Variants in DPF2 observed in about 807,000 individuals in gnomAD.
DPF2 encodes zinc finger protein ubi-d4.
Under a neutral mutation model 59.6 loss-of-function variants are expected in DPF2, and 10 were observed. The observed-to-expected ratio is 0.17, with a 90% CI of 0.10 to 0.28. The LOEUF (loss-of-function observed/expected upper bound fraction) is 0.28. DPF2 is among the 10% of genes least tolerant of loss of function. DPF2 has a pLI of 1.00. For missense variants in DPF2, 315 were observed against 509.4 expected, an observed-to-expected ratio of 0.62 and a Z score of 3.67; for synonymous variants, 189 against 190.6, an observed-to-expected ratio of 0.99 and a Z score of 0.07.
At chr11:65,341,673 G>A (rs955412930) in intron 4 of DPF2, 111 bp downstream of exon 4, 10 of 1,457,742 alleles carry the variant, frequency 6.9e-6, no homozygotes, top group Non-Finnish European at 9.3e-6. Context: ...CAGGAAGCAG[G>A]CCCCTGCAGT....
At chr11:65,336,756 T>G (rs1157839012) in intron 1 of DPF2, among the ~76,000 whole-genome samples, 2 of 119,008 alleles carry the variant, frequency 1.7e-5, no homozygotes, top group African/African-American at 6.8e-5. Context: ...ACCACTGCAC[T>G]CCAGCCTGGC....
At position 65,351,526 on chromosome 11, in the gene DPF2, C is replaced by T. The variant is rs689288; in HGVS notation, c.1100-157C>T. Among the ~76,000 whole-genome samples the T allele has an allele frequency of 0.11, 16,114 of 152,276 alleles. 975 individuals are homozygous for T. The highest frequency in any genetic ancestry group is 0.16 in the South Asian group (763 of 4,822). On this transcript the variant is annotated intron_variant, in intron 10 of 10. Coordinates refer to ENST00000528416, the MANE Select transcript of DPF2 (RefSeq NM_006268.5). ...AATATTTGAAGACTTAGAGGTTTATCCCAGCTCAGGAAACCATGGAACTTT... is the reference window on the plus strand; with the variant it reads ...AATATTTGAAGACTTAGAGGTTTATTCCAGCTCAGGAAACCATGGAACTTT...
chr11:65,341,278 C>A, intron 3 of DPF2, 121 bp from the exon 4 acceptor site: 1 of 1,435,742 alleles, frequency 7.0e-7, no homozygotes, highest in Non-Finnish European at 9.5e-7. Flanking sequence ...TGTCTTAATT[C>A]CTGGGCGTGC....
intron 1 of DPF2, among the ~76,000 whole-genome samples, chr11:65,339,937 C>T (rs188290807): frequency 6.6e-6 from 1 of 152,248 alleles, no homozygotes; most frequent in African/African-American, 2.4e-5. Context: ...TGGAGCAGAC[C>T]TTGGGGCAAG....
At chr11:65,346,799 G>T (rs1226961089) in intron 9 of DPF2, 1 of 157,368 alleles carries the variant, frequency 6.4e-6, no homozygotes, top group Non-Finnish European at 1.4e-5. Flanking sequence ...AGCCAGTCAA[G>T]ATTTGGAGGT....
intron 1 of DPF2, among the ~76,000 whole-genome samples, chr11:65,337,477 ATATAT>A (rs1565527372): frequency 3.9e-3 from 131 of 33,944 alleles, no homozygotes; most frequent in East Asian, 6.5e-3. Flanking sequence ...AAAAAAAAAT[ATATAT>A]ATATATATAT....
chr11:65,340,851 C>A, intron 2 of DPF2, 115 bp from the exon 3 acceptor site: 1 of 1,095,928 alleles, frequency 9.1e-7, no homozygotes, highest in South Asian at 1.6e-5. Flanking sequence ...CCCTCACTGT[C>A]AGAATTTCTC....
At chr11:65,335,627 A>G (rs981780241) in intron 1 of DPF2, among the ~76,000 whole-genome samples, 3 of 152,166 alleles carry the variant, frequency 2.0e-5, no homozygotes, top group Non-Finnish European at 4.4e-5. Flanking sequence ...CCTCATTTCT[A>G]GCTGCACAGG....
Position 65,351,687 on chromosome 11 carries a change from T to C in DPF2, c.1104T>C (p.Ser368=). The part of the protein sequence containing the change: ...TPSMSEPPEG[S]WSCHLCLDLL... Reference sequence around the variant, plus strand: ...CCCCATTTTGCCTCTCTGCAGGAAGTTGGAGCTGCCACCTGTGTCTGGACC... The same window carrying C: ...CCCCATTTTGCCTCTCTGCAGGAAGCTGGAGCTGCCACCTGTGTCTGGACC... The change falls in exon 11 of 11, where the codon AGT becomes AGC. Residue 368 remains serine (S), a synonymous_variant. Transcript: ENST00000528416. 1 of 1,614,184 alleles carries C rather than the reference T, an allele frequency of 6.2e-7. No individual in the cohort carries two copies. The highest frequency in any genetic ancestry group is 1.1e-5 in the South Asian group (1 of 91,082).
At chr11:65,343,711 A>G in intron 4 of DPF2, 34 bp from the exon 5 acceptor site, 1 of 1,562,066 alleles carries the variant, frequency 6.4e-7, no homozygotes, top group Non-Finnish European at 8.7e-7. Context: ...GGATGCACAT[A>G]TTTCTACCCA....
intron 1 of DPF2, among the ~76,000 whole-genome samples, chr11:65,337,543 A>AGAGAGGGG (rs1449977686): frequency 1.2e-4 from 16 of 137,490 alleles, no homozygotes; most frequent in African/African-American, 3.6e-4. Flanking sequence ...AGAGAGAGAG[A>AGAGAGGGG]GAGAACAATG....
At chr11:65,350,582 A>G (rs1281301619) in intron 10 of DPF2, among the ~76,000 whole-genome samples, 1 of 148,128 alleles carries the variant, frequency 6.8e-6, no homozygotes, top group Non-Finnish European at 1.5e-5. Context: ...GGGTTTTGCC[A>G]TGGTGCCCAG....
At position 65,353,532 on chromosome 11, in the gene DPF2, C is replaced by T. The variant is rs1387751995; in HGVS notation, c.*1773C>T. ...GGATCTGAACTGCCCGCAGTGCAGC[C>T]CTGCAGCCTTTCCCAGGGCACGTTG... On this transcript the variant is annotated 3_prime_UTR_variant, in exon 11 of 11. Coordinates refer to ENST00000528416, the MANE Select transcript of DPF2 (RefSeq NM_006268.5). Among the ~76,000 whole-genome samples the T allele has an allele frequency of 6.6e-6, 1 of 152,212 alleles. No homozygotes were observed. The highest frequency in any genetic ancestry group is 2.4e-5 in the African/African-American group (1 of 41,440).
intron 1 of DPF2, among the ~76,000 whole-genome samples, chr11:65,339,203 T>C (rs1854293651): frequency 6.6e-6 from 1 of 151,998 alleles, no homozygotes; most frequent in African/African-American, 2.4e-5. Context: ...AGCCAGGAGT[T>C]TGTGTCCAGC....
intron 1 of DPF2, among the ~76,000 whole-genome samples, chr11:65,337,504 T>TATAGAGAGAG (rs1282367012): frequency 1.6e-3 from 34 of 21,394 alleles, no homozygotes; most frequent in South Asian, 3.2e-3. Context: ...TATATATATA[T>TATAGAGAGAG]AGAGAGAGAG....
intron 6 of DPF2, 60 bp from the exon 7 acceptor site, chr11:65,345,606 G>T: frequency 1.9e-6 from 3 of 1,600,700 alleles, no homozygotes; most frequent in Non-Finnish European, 2.6e-6. Context: ...AGCTTGCAGG[G>T]ATGGGGACAT....
intron 1 of DPF2, among the ~76,000 whole-genome samples, chr11:65,337,468 A>T (rs1344955641): frequency 1.9e-4 from 12 of 64,298 alleles, no homozygotes; most frequent in African/African-American, 6.6e-4. Flanking sequence ...AAAAAAAAAA[A>T]AAAAAAATAT....
intron 4 of DPF2, among the ~76,000 whole-genome samples, chr11:65,343,071 A>G (rs1274105748): frequency 2.0e-5 from 3 of 151,748 alleles, no homozygotes; most frequent in Non-Finnish European, 2.9e-5. Flanking sequence ...AGGCCGAGGC[A>G]GTTGGATCAC....
chr11:65,344,181 C>A, intron 6 of DPF2, 112 bp downstream of exon 6: 2 of 1,107,528 alleles, frequency 1.8e-6, no homozygotes, highest in East Asian at 2.6e-5. Flanking sequence ...CAAACCTGGG[C>A]TCTTGTCCTG....
Sources: allele counts gnomAD v4.1 joint callset (sites outside exome capture counted in the v4.1 genomes callset), GRCh38; gene constraint gnomAD v4.1.1; transcripts MANE v1.5; gene names NCBI Gene and HGNC (gene_info 2026-07-23, HGNC 2026-07-21).